MSRA: variants seen among roughly 807,000 people sequenced by gnomAD.
The protein encoded by MSRA is methionine sulfoxide reductase A.
In MSRA, 54 loss-of-function variants were observed where a neutral mutation model predicts 31.3. The ratio of observed to expected loss-of-function variants is 1.73; its 90% CI spans 1.39 to 2.17. MSRA has a LOEUF of 2.17. MSRA is among the 30% of genes most tolerant of loss of function. The pLI, the probability that MSRA is intolerant of heterozygous loss-of-function variation, is 0.00. For synonymous variants in MSRA, 169 were observed against 116.5 expected (o/e 1.45, Z -2.90); for missense variants, 507 against 300.9 (o/e 1.69, Z -5.07).
intron 1 of MSRA, among the ~76,000 whole-genome samples, chr8:10,144,972 G>A (rs1328514888): frequency 1.3e-5 from 2 of 150,310 alleles, no homozygotes; most frequent in Non-Finnish European, 3.0e-5. Context: ...GGGGGAGGGG[G>A]CATGTAGGAG....
At chr8:10,350,415 C>T (rs1305264925) in intron 5 of MSRA, among the ~76,000 whole-genome samples, 1 of 152,214 alleles carries the variant, frequency 6.6e-6, no homozygotes, top group East Asian at 1.9e-4. Flanking sequence ...CGCTCATTGA[C>T]GGTTCTTGCT....
chr8:10,245,264 G>T, intron 3 of MSRA, 41 bp downstream of exon 3: 1 of 1,593,848 alleles, frequency 6.3e-7, no homozygotes, highest in South Asian at 1.1e-5. Context: ...GGAGAAACAA[G>T]GGAGGGCTTG....
intron 3 of MSRA, among the ~76,000 whole-genome samples, chr8:10,260,260 C>T (rs916801957): frequency 2.6e-5 from 4 of 152,166 alleles, no homozygotes; most frequent in African/African-American, 7.2e-5. Flanking sequence ...TGAGGGATCT[C>T]ACATGACAAG....
intron 5 of MSRA, among the ~76,000 whole-genome samples, chr8:10,379,002 A>AT (rs963022063): frequency 2.6e-5 from 4 of 152,148 alleles, no homozygotes; most frequent in Admixed American, 6.5e-5. Flanking sequence ...TTGCCTGCAT[A>AT]TTTTTTTACG....
At chr8:10,273,948 C>CG (rs1799180350) in intron 3 of MSRA, among the ~76,000 whole-genome samples, 1 of 151,978 alleles carries the variant, frequency 6.6e-6, no homozygotes, top group Admixed American at 6.6e-5. Flanking sequence ...GAGGCAGCTG[C>CG]TTTATAGGAG....
chr8:10,224,936 C>G (rs1395278907), intron 2 of MSRA, among the ~76,000 whole-genome samples: 2 of 152,146 alleles, frequency 1.3e-5, no homozygotes, highest in African/African-American at 4.8e-5. Context: ...GTCAGGAGTT[C>G]AAGACCAGCC....
At chr8:10,077,099 AAGT>A (rs1398306261) in intron 1 of MSRA, among the ~76,000 whole-genome samples, 1 of 152,092 alleles carries the variant, frequency 6.6e-6, no homozygotes, top group Non-Finnish European at 1.5e-5. Context: ...TATGTGGAAA[AAGT>A]AGTTAGAAAA....
intron 3 of MSRA, among the ~76,000 whole-genome samples, chr8:10,263,445 A>G (rs945128074): frequency 1.3e-5 from 2 of 152,386 alleles, no homozygotes; most frequent in Non-Finnish European, 2.9e-5. Flanking sequence ...GTATGTGTGC[A>G]CGTTCAGACA....
At chr8:10,107,583 AT>A (rs1424984619) in intron 1 of MSRA, among the ~76,000 whole-genome samples, 56 of 152,276 alleles carry the variant, frequency 3.7e-4, no homozygotes, top group African/African-American at 1.3e-3. Context: ...TTGTTTAGCT[AT>A]TTCTGTATGT....
chr8:10,227,660 G>A (rs1023601678), intron 2 of MSRA, among the ~76,000 whole-genome samples: 9 of 152,278 alleles, frequency 5.9e-5, no homozygotes, highest in Admixed American at 1.3e-4. Flanking sequence ...GAGTGTACAC[G>A]TGCATATGAG....
At chr8:10,148,919 G>T (rs1803403700) in intron 1 of MSRA, among the ~76,000 whole-genome samples, 1 of 151,512 alleles carries the variant, frequency 6.6e-6, no homozygotes, top group Non-Finnish European at 1.5e-5. Context: ...GTCCGAGTGA[G>T]GGGTGGAGGA....
chr8:10,119,240 A>G (rs189899759), intron 1 of MSRA, among the ~76,000 whole-genome samples: 1 of 152,368 alleles, frequency 6.6e-6, no homozygotes, highest in East Asian at 1.9e-4. Context: ...ATATTGCTGT[A>G]TAATTTGTCC....
intron 5 of MSRA, among the ~76,000 whole-genome samples, chr8:10,398,469 G>T (rs184988229): frequency 3.9e-5 from 6 of 152,338 alleles, no homozygotes; most frequent in African/African-American, 1.4e-4. Flanking sequence ...GTTTTCTCCT[G>T]CAGGGGTCCC....
chr8:10,356,463 G>T (rs568469530), intron 5 of MSRA, among the ~76,000 whole-genome samples: 6 of 152,246 alleles, frequency 3.9e-5, no homozygotes, highest in African/African-American at 9.6e-5. Flanking sequence ...CCCAATTCTT[G>T]TAACAGCCAC....
intron 4 of MSRA, among the ~76,000 whole-genome samples, chr8:10,307,626 C>A (rs907648364): frequency 6.6e-6 from 1 of 152,208 alleles, no homozygotes; most frequent in Non-Finnish European, 1.5e-5. Flanking sequence ...GAAAAGGGAA[C>A]TATTGTACAC....
intron 3 of MSRA, among the ~76,000 whole-genome samples, chr8:10,295,632 G>A (rs944654396): frequency 6.6e-6 from 1 of 152,186 alleles, no homozygotes; most frequent in South Asian, 2.1e-4. Flanking sequence ...GAGAACTTGG[G>A]GTGTCATTCT....
intron 4 of MSRA, among the ~76,000 whole-genome samples, chr8:10,315,770 G>T (rs574871250): frequency 6.6e-6 from 1 of 152,236 alleles, no homozygotes; most frequent in South Asian, 2.1e-4. Context: ...TATTTTGAAC[G>T]TTTTCTAATA....
intron 3 of MSRA, among the ~76,000 whole-genome samples, chr8:10,274,071 CAG>C (rs1799190005): frequency 6.6e-6 from 1 of 152,144 alleles, no homozygotes; most frequent in Non-Finnish European, 1.5e-5. Context: ...CCTCTACTGA[CAG>C]GGGTTAGCAT....
chr8:10,377,112 G>A (rs1223407094), intron 5 of MSRA, among the ~76,000 whole-genome samples: 1 of 152,244 alleles, frequency 6.6e-6, no homozygotes, highest in African/African-American at 2.4e-5. Flanking sequence ...TATGCAGCTG[G>A]GTAGGAGATA....
Sources: gnomAD v4.1 joint callset for allele counts (sites outside exome capture counted in the v4.1 genomes callset) on GRCh38, gnomAD v4.1.1 for gene constraint, MANE v1.5 for transcripts, NCBI Gene and HGNC (gene_info 2026-07-23, HGNC 2026-07-21) for gene names.